Variants in ELP6 observed in about 807,000 individuals in gnomAD.
ELP6 encodes the protein elongator complex protein 6.
A neutral mutation model predicts 28.1 loss-of-function variants in ELP6; 23 were observed. The observed-to-expected ratio is 0.82, with a 90% CI of 0.59 to 1.16. The LOEUF (loss-of-function observed/expected upper bound fraction) is 1.16. ELP6 is among the 50% of genes most tolerant of loss of function. The pLI is 0.00. For synonymous variants in ELP6, 132 were observed against 135.8 expected (o/e 0.97, Z 0.19); for missense variants, 313 against 334.6 (o/e 0.94, Z 0.50).
chr3:47,499,648 G>T, intron 5 of ELP6: 1 of 661,258 alleles, frequency 1.5e-6, no homozygotes, highest in Non-Finnish European at 1.8e-6. Context: ...CACTGAGGTC[G>T]CACCACTGCA....
chr3:47,510,287 C>T (rs1384042446), intron 2 of ELP6, 33 bp from the exon 3 acceptor site: 4 of 1,586,586 alleles, frequency 2.5e-6, no homozygotes, highest in Admixed American at 1.7e-5. Context: ...TAAATAAATC[C>T]TCTGGTTACA....
In ELP6 at chr3:47,511,438, A is replaced by T. The variant is rs1182663345; in HGVS notation, c.55-212T>A. ...AAGTTATCACTTATTGTTACTCATG[A>T]TAGGCAAGCATATCTCAGCCTCCAC... On this transcript the variant is annotated intron_variant, in intron 1 of 6. Transcript: ENST00000296149. The T allele has an allele frequency of 3.9e-5, 53 of 1,367,094 alleles. 1 individual carries two copies. The South Asian group carries it at 8.4e-4, about 22-fold the overall frequency. The allele number at this position is 1,367,094 out of a possible 1,614,324, so 84.7% of individuals were successfully genotyped here. A position where few individuals can be genotyped will look rare whatever the true frequency, so the allele number is the denominator to read the frequency against.
intron 3 of ELP6, among the ~76,000 whole-genome samples, chr3:47,506,491 A>G (rs963883723): frequency 2.6e-5 from 4 of 152,136 alleles, no homozygotes; most frequent in African/African-American, 9.7e-5. Flanking sequence ...CAGTTCAGAG[A>G]CCCACCCCCA....
chr3:47,509,166 T>G (rs897356640), intron 3 of ELP6, among the ~76,000 whole-genome samples: 3 of 152,002 alleles, frequency 2.0e-5, no homozygotes, highest in Non-Finnish European at 4.4e-5. Context: ...TTTGCTATGC[T>G]GGCCAGGCTG....
rs545060366 is a variant in ELP6, at chr3:47,513,537, C to A, written c.54G>T (p.Gln18His). Residue 18 changes from glutamine to histidine, a missense_variant and splice_region_variant, in exon 1 of 7, where the codon CAG becomes CAT. Coordinates refer to ENST00000296149, the MANE Select transcript of ELP6 (RefSeq NM_001031703.3). ...LLNTTPDRAE[Q>H]GKLTLLCDAK... ...CCTTCCGGCCAGCGGGACCTCTTAC[C>A]TGCTCCGCCCTGTCGGGGGTGGTGT... is the stretch of plus-strand genomic sequence containing the variant. The A allele has an allele frequency of 1.9e-6, 3 of 1,612,666 alleles. No individual in the cohort carries two copies. Among genetic ancestry groups the A allele is most frequent in the East Asian group, 4.5e-5 (2 of 44,738 alleles).
intron 5 of ELP6, among the ~76,000 whole-genome samples, chr3:47,499,427 G>A (rs7651194): frequency 0.5 from 74,876 of 151,176 alleles, 20,153 homozygotes; most frequent in Non-Finnish European, 0.6. Context: ...GCTGTGGCAG[G>A]AGAATTGCTT....
At chr3:47,498,607 C>T in intron 5 of ELP6, 175 bp from the exon 6 acceptor site, 1 of 985,410 alleles carries the variant, frequency 1.0e-6, no homozygotes, top group Non-Finnish European at 1.2e-6. Flanking sequence ...CAGTCACCTA[C>T]TGGACAACTT....
chr3:47,512,543 T>C (rs1326168848), intron 1 of ELP6: 1 of 940,042 alleles, frequency 1.1e-6, no homozygotes, highest in Non-Finnish European at 1.3e-6. Flanking sequence ...GGAGCGAGAC[T>C]CCATCAAAAA....
intron 4 of ELP6, chr3:47,503,525 T>C (rs1243565964): frequency 3.4e-6 from 3 of 890,846 alleles, no homozygotes; most frequent in South Asian, 1.5e-5. Flanking sequence ...GTTGCTGTAG[T>C]GCAAAAACAG....
chr3:47,502,518 C>G, intron 4 of ELP6: 3 of 984,772 alleles, frequency 3.0e-6, no homozygotes, highest in Non-Finnish European at 3.6e-6. Flanking sequence ...GGAAACCTTC[C>G]CAGGAGGTTA....
intron 3 of ELP6, chr3:47,504,728 G>T: frequency 2.4e-6 from 2 of 823,244 alleles, no homozygotes; most frequent in Non-Finnish European, 2.9e-6. Context: ...GGCTGAGGCA[G>T]GTGGATCATT....
At chr3:47,496,832 G>C (rs1412512470) in intron 6 of ELP6, 3 of 985,164 alleles carry the variant, frequency 3.0e-6, no homozygotes, top group Non-Finnish European at 3.6e-6. Flanking sequence ...TGTACTTGCG[G>C]GCTAGACTAA....
Position 47,495,813 on chromosome 3 carries a change from A to C in ELP6, c.*256T>G, listed in dbSNP as rs1708464241. On this transcript the variant is annotated 3_prime_UTR_variant, in exon 7 of 7. Transcript: ENST00000296149. ...AGGCATATTTAAACAAAGGCTCCAA[A>C]GGACCCCTTTCACTTGGGTCTAGCA... is the stretch of plus-strand genomic sequence containing the variant. 2.1e-6 allele frequency: 1 copy of C among 465,984 alleles called. No homozygotes were observed. Among genetic ancestry groups the C allele is most frequent in the Non-Finnish European group, 3.6e-6 (1 of 276,208 alleles). 28.9% of individuals were successfully genotyped at this position (465,984 alleles called of 1,614,324 possible).
chr3:47,503,250 T>G, intron 4 of ELP6: 1 of 1,246,258 alleles, frequency 8.0e-7, no homozygotes, highest in South Asian at 1.4e-5. Context: ...TGCATAAGGG[T>G]GTGTGTGTCT....
intron 4 of ELP6, among the ~76,000 whole-genome samples, chr3:47,503,717 C>T (rs1392765582): frequency 2.0e-5 from 3 of 151,950 alleles, no homozygotes; most frequent in Non-Finnish European, 4.4e-5. Flanking sequence ...GGTGAAACCC[C>T]GTCTCTACTA....
At chr3:47,503,808 G>A (rs1430795412) in intron 4 of ELP6, among the ~76,000 whole-genome samples, 13 of 151,946 alleles carry the variant, frequency 8.6e-5, no homozygotes, top group African/African-American at 2.4e-4. Flanking sequence ...GGAGAATGGC[G>A]TGAACCTGGG....
At chr3:47,496,953 G>A in intron 6 of ELP6, 2 of 985,448 alleles carry the variant, frequency 2.0e-6, no homozygotes, top group Non-Finnish European at 2.4e-6. Context: ...TCTGGCTGAA[G>A]AGAGGCCACA....
At chr3:47,504,899 G>A (rs890869772) in intron 3 of ELP6, among the ~76,000 whole-genome samples, 2 of 152,158 alleles carry the variant, frequency 1.3e-5, no homozygotes, top group Non-Finnish European at 2.9e-5. Context: ...GGTCAAGGCT[G>A]CAGTGAGCCA....
intron 3 of ELP6, among the ~76,000 whole-genome samples, chr3:47,508,214 G>C (rs142239230): frequency 3.9e-5 from 6 of 152,276 alleles, no homozygotes; most frequent in Admixed American, 2.0e-4. Context: ...TAGTAAGACT[G>C]GATTTTATTT....
Sources: gnomAD v4.1 joint callset for allele counts (sites outside exome capture counted in the v4.1 genomes callset) on GRCh38, gnomAD v4.1.1 for gene constraint, MANE v1.5 for transcripts, NCBI Gene and HGNC (gene_info 2026-07-23, HGNC 2026-07-21) for gene names.